The following GRIP1 variants were observed in gnomAD, a reference collection of about 807,000 sequenced individuals.
GRIP1 encodes glutamate receptor interacting protein 1, also known as glutamate receptor-interacting protein 1.
In GRIP1, 45 loss-of-function variants were observed where a neutral mutation model predicts 129.9. The observed-to-expected ratio is 0.35, with a 90% CI of 0.27 to 0.44. The LOEUF is 0.44. Among genes scored for constraint, GRIP1 ranks in the 20% least tolerant of loss-of-function variants. GRIP1 has a pLI of 1.00. For missense variants in GRIP1, 1,196 were observed against 1,396.8 expected (o/e 0.86, Z 2.29); for synonymous variants, 530 against 520.8 (o/e 1.02, Z -0.24).
At chr12:66,559,803 C>G (rs1008665694) in intron 2 of GRIP1, among the ~76,000 whole-genome samples, 4 of 151,986 alleles carry the variant, frequency 2.6e-5, no homozygotes, top group African/African-American at 9.7e-5. Context: ...ACATTCTTCA[C>G]AGAAATAGAA....
At chr12:66,747,592 T>G (rs1429676079) in intron 1 of GRIP1, among the ~76,000 whole-genome samples, 1 of 152,090 alleles carries the variant, frequency 6.6e-6, no homozygotes, top group South Asian at 2.1e-4. Flanking sequence ...ATGGGCACAA[T>G]AGCACACAAA....
At position 66,723,320 on chromosome 12, in the gene GRIP1, T is replaced by C. The variant is rs868265632; in HGVS notation, c.-420+80733A>G. The stretch of plus-strand genomic sequence containing the variant: ...TCTTTCTTTCTTTTTTTTTTTTTTT[T>C]TTTTTTTTTTGAGACAGAGTCTCAC... On this transcript the variant is annotated intron_variant, in intron 1 of 4. Transcript: ENST00000538373. Among the ~76,000 whole-genome samples, 71 of 100,522 alleles carry C rather than the reference T, an allele frequency of 7.1e-4. 2 individuals are homozygous for C. The highest frequency in any genetic ancestry group is 2.8e-3 in the African/African-American group (61 of 22,108). The allele number at this position is 100,522 out of a possible 152,430, so 65.9% of individuals were successfully genotyped here.
chr12:67,011,728 C>T (rs1380749989), intron 1 of GRIP1, among the ~76,000 whole-genome samples: 1 of 151,978 alleles, frequency 6.6e-6, no homozygotes, highest in African/African-American at 2.4e-5. Flanking sequence ...TCTTGCACTA[C>T]AGAAATTTGA....
At chr12:66,989,455 C>T (rs1019659583) in intron 1 of GRIP1, among the ~76,000 whole-genome samples, 31 of 152,142 alleles carry the variant, frequency 2.0e-4, no homozygotes, top group African/African-American at 6.8e-4. Flanking sequence ...CTTCCCTAAG[C>T]AATTACGGGG....
intron 1 of GRIP1, among the ~76,000 whole-genome samples, chr12:66,870,536 GA>G (rs1395636106): frequency 6.6e-6 from 1 of 152,126 alleles, no homozygotes; most frequent in African/African-American, 2.4e-5. Context: ...CTGTTAGACT[GA>G]AGTCAGTTGT....
rs576778519 is a variant in GRIP1 at position 66,356,007 on chromosome 12, G to A, written c.3013-2444C>T. Among the ~76,000 whole-genome samples, 40 of 152,298 alleles carry A rather than the reference G, an allele frequency of 2.6e-4. No individual in the cohort carries two copies. The South Asian group carries it at 8.1e-3, about 31-fold the overall frequency. On this transcript the variant is annotated intron_variant, in intron 23 of 24. Coordinates refer to ENST00000359742, the MANE Select transcript of GRIP1 (RefSeq NM_001366722.1). ...CTGGGAATCAGGAAGGCTGTCCCAT[G>A]ACAAAGTGGCCAGGCAAGACAAAGC...
chr12:66,662,243 C>T (rs1356162928), intron 1 of GRIP1, among the ~76,000 whole-genome samples: 1 of 152,004 alleles, frequency 6.6e-6, no homozygotes. Flanking sequence ...ATCCTGACTG[C>T]CCCCTTGTTA....
At chr12:66,966,532 T>C (rs1040666597) in intron 1 of GRIP1, among the ~76,000 whole-genome samples, 1 of 152,182 alleles carries the variant, frequency 6.6e-6, no homozygotes, top group Non-Finnish European at 1.5e-5. Context: ...CCTAATATTA[T>C]TTTCTGTTCT....
intron 13 of GRIP1, among the ~76,000 whole-genome samples, chr12:66,434,992 G>A (rs1264077955): frequency 6.6e-6 from 1 of 152,188 alleles, no homozygotes; most frequent in African/African-American, 2.4e-5. Flanking sequence ...TGGAGTGCAT[G>A]TTTCTTGCTG....
chr12:66,872,577 G>A (rs1325624778), intron 1 of GRIP1, among the ~76,000 whole-genome samples: 1 of 151,896 alleles, frequency 6.6e-6, no homozygotes, highest in Non-Finnish European at 1.5e-5. Context: ...TACAAAAGGT[G>A]GTACAGGCAC....
chr12:66,359,980 T>C (rs2054670735), intron 23 of GRIP1, among the ~76,000 whole-genome samples: 1 of 152,212 alleles, frequency 6.6e-6, no homozygotes, highest in East Asian at 1.9e-4. Flanking sequence ...ATGAATCTTT[T>C]ATCCAGTTAC....
chr12:66,423,961 G>GGGTC (rs2137872571), intron 14 of GRIP1, among the ~76,000 whole-genome samples: 1 of 152,284 alleles, frequency 6.6e-6, no homozygotes, highest in South Asian at 2.1e-4. Context: ...AAAGAGCAAT[G>GGGTC]ATGCTAAATC....
At chr12:66,758,545 A>G (rs987675165) in intron 1 of GRIP1, among the ~76,000 whole-genome samples, 1 of 152,082 alleles carries the variant, frequency 6.6e-6, no homozygotes, top group Non-Finnish European at 1.5e-5. Flanking sequence ...CAGTCCTCCA[A>G]AGTCTTAACT....
intron 1 of GRIP1, among the ~76,000 whole-genome samples, chr12:66,952,634 T>C (rs2041776013): frequency 6.6e-6 from 1 of 152,156 alleles, no homozygotes. Flanking sequence ...AAGAACAAAA[T>C]ATGAATGGCA....
intron 2 of GRIP1, among the ~76,000 whole-genome samples, chr12:66,554,983 G>T (rs1480241248): frequency 6.6e-6 from 1 of 152,178 alleles, no homozygotes; most frequent in Non-Finnish European, 1.5e-5. Context: ...ACCCTGAAGG[G>T]AACTCTTCAC....
intron 1 of GRIP1, among the ~76,000 whole-genome samples, chr12:66,960,216 C>T (rs1414377411): frequency 1.3e-5 from 2 of 152,060 alleles, no homozygotes; most frequent in African/African-American, 4.8e-5. Flanking sequence ...ATGAACTGTA[C>T]AGAAGCAAAA....
chr12:66,433,974 G>A (rs2058225871), intron 13 of GRIP1, among the ~76,000 whole-genome samples: 1 of 152,198 alleles, frequency 6.6e-6, no homozygotes, highest in Admixed American at 6.5e-5. Context: ...TGTGCAAAGT[G>A]GAGGTGATGG....
chr12:66,950,669 G>A (rs1414343285), intron 1 of GRIP1, among the ~76,000 whole-genome samples: 9 of 152,080 alleles, frequency 5.9e-5, no homozygotes, highest in African/African-American at 2.2e-4. Flanking sequence ...GTTTGTGTGT[G>A]TGTGCGTGTG....
At chr12:66,481,620 A>G (rs2059808023) in intron 7 of GRIP1, among the ~76,000 whole-genome samples, 4 of 152,216 alleles carry the variant, frequency 2.6e-5, no homozygotes. Flanking sequence ...AGGATTATAA[A>G]TCATTCTACT....
Sources: gnomAD v4.1 joint callset for allele counts (sites outside exome capture counted in the v4.1 genomes callset) on GRCh38, gnomAD v4.1.1 for gene constraint, MANE v1.5 for transcripts, NCBI Gene and HGNC (gene_info 2026-07-23, HGNC 2026-07-21) for gene names.